DYM: variants seen among roughly 807,000 people sequenced by gnomAD.
The protein encoded by DYM is dymeclin.
Under a neutral mutation model 93.1 loss-of-function variants are expected in DYM, and 78 were observed. The observed-to-expected ratio is 0.84, with a 90% CI of 0.70 to 1.01. The LOEUF (loss-of-function observed/expected upper bound fraction) is 1.01. Ranked by LOEUF, DYM falls within the 50% of genes least tolerant of loss-of-function variation. The probability of loss-of-function intolerance (pLI) is 0.00; values close to 1 mark genes in which losing one functional copy is unlikely to be tolerated. For synonymous variants in DYM, 321 were observed against 319.7 expected (o/e 1.00, Z -0.04); for missense variants, 789 against 845.0 (o/e 0.93, Z 0.82).
chr18:49,426,486 G>A (rs1351807661), intron 2 of DYM, among the ~76,000 whole-genome samples: 7 of 151,528 alleles, frequency 4.6e-5, no homozygotes, highest in African/African-American at 1.5e-4. Flanking sequence ...CATGGCACAC[G>A]TATACATATG....
intron 6 of DYM, among the ~76,000 whole-genome samples, chr18:49,339,940 TTTGTTTG>T (rs1209560545): frequency 6.9e-6 from 1 of 144,846 alleles, no homozygotes; most frequent in Non-Finnish European, 1.5e-5. Flanking sequence ...TTTGGGGTTT[TTTGTTTG>T]TTTGTTTGTT....
At chr18:49,418,040 A>G (rs1422919067) in intron 2 of DYM, 2 of 149,294 alleles carry the variant, frequency 1.3e-5, no homozygotes, top group African/African-American at 5.0e-5. Flanking sequence ...AGCCTGGGCA[A>G]CAAGAGTGAA....
At chr18:49,163,902 ATTCT>A (rs2087524975) in intron 14 of DYM, 115 bp from the exon 15 acceptor site, 6 of 720,144 alleles carry the variant, frequency 8.3e-6, no homozygotes, top group Admixed American at 2.2e-5. Flanking sequence ...CTTGTAAATG[ATTCT>A]TTCTTCATGC....
At position 49,197,452 on chromosome 18, in the gene DYM, A is replaced by G. The variant is rs558696580; in HGVS notation, c.1625+12099T>C. Among the ~76,000 whole-genome samples, 340 of 152,300 alleles carry G rather than the reference A, an allele frequency of 2.2e-3. 3 individuals are homozygous for G. The highest frequency in any genetic ancestry group is 0.02 in the Middle Eastern group (6 of 294). On this transcript the variant is annotated intron_variant, in intron 14 of 17. Coordinates refer to ENST00000675505, the MANE Select transcript of DYM (RefSeq NM_001353214.3). ...GTTCATCTGTTGAGGTCAAGTAAAG[A>G]AGGCGGTGAAGTTTCTCAAAATGTG... is the stretch of plus-strand genomic sequence containing the variant.
intron 6 of DYM, among the ~76,000 whole-genome samples, chr18:49,340,863 A>T (rs1387018354): frequency 6.6e-6 from 1 of 152,240 alleles, no homozygotes; most frequent in Non-Finnish European, 1.5e-5. Context: ...GACACTTAAA[A>T]TGGGTAAGAA....
At position 49,412,839 on chromosome 18, in the gene DYM, T is replaced by C. The variant is rs2072434899; in HGVS notation, c.140+17416A>G. On this transcript the variant is annotated intron_variant, in intron 2 of 17. Coordinates refer to ENST00000675505, the MANE Select transcript of DYM (RefSeq NM_001353214.3). ...AACGTGACCTAATTAAACAAAAGTC[T>C]CTCTTCCTGTGTGTCAACTGAGGAA... The C allele has an allele frequency of 3.3e-5, 5 of 152,140 alleles. No homozygotes were observed. In the South Asian group the frequency reaches 8.3e-4, roughly 25 times the overall value. The allele number at this position is 152,140 out of a possible 1,614,324, so 9.4% of individuals were successfully genotyped here.
intron 6 of DYM, among the ~76,000 whole-genome samples, chr18:49,354,831 T>C (rs1336352309): frequency 2.0e-5 from 3 of 152,156 alleles, no homozygotes; most frequent in Admixed American, 1.3e-4. Flanking sequence ...CTGGTGGGAA[T>C]GGCAAAACTG....
intron 13 of DYM, among the ~76,000 whole-genome samples, chr18:49,254,571 A>C (rs1001718406): frequency 6.8e-6 from 1 of 147,976 alleles, no homozygotes; most frequent in Non-Finnish European, 1.5e-5. Flanking sequence ...TGATTGGTTT[A>C]TTTTCTACTT....
chr18:49,332,342 T>C (rs2063367722), intron 7 of DYM, among the ~76,000 whole-genome samples: 1 of 152,122 alleles, frequency 6.6e-6, no homozygotes, highest in African/African-American at 2.4e-5. Flanking sequence ...ACTCAAGCGA[T>C]CCTCCCGCTT....
intron 13 of DYM, among the ~76,000 whole-genome samples, chr18:49,222,678 A>C (rs1171782833): frequency 3.3e-5 from 5 of 152,170 alleles, no homozygotes; most frequent in African/African-American, 4.8e-5. Context: ...TGTATCAATT[A>C]CTACTAGAGG....
intron 17 of DYM, among the ~76,000 whole-genome samples, chr18:49,067,395 T>G (rs1568366269): frequency 2.4e-4 from 30 of 123,578 alleles, no homozygotes; most frequent in Admixed American, 2.7e-4. Flanking sequence ...GGGGAAGGAG[T>G]AGGGTGATGT....
Position 49,366,519 on chromosome 18 carries a change from G to A in DYM, c.422-3286C>T, listed in dbSNP as rs913051694. ...TAAGAGTTCTCTCTCAATGCTTGGTGCAGTGGCACCTGCTATAGCACCAGC... is the reference window on the plus strand; with the variant it reads ...TAAGAGTTCTCTCTCAATGCTTGGTACAGTGGCACCTGCTATAGCACCAGC... On this transcript the variant is annotated intron_variant, in intron 5 of 17. Transcript: ENST00000675505. Among the ~76,000 whole-genome samples, 9 of 152,132 alleles carry A rather than the reference G, an allele frequency of 5.9e-5. No individual in the cohort carries two copies. In the South Asian group the frequency reaches 1.0e-3, roughly 17 times the overall value.
chr18:49,417,693 A>G (rs2073148421), intron 2 of DYM, among the ~76,000 whole-genome samples: 1 of 152,250 alleles, frequency 6.6e-6, no homozygotes, highest in Non-Finnish European at 1.5e-5. Context: ...ATATATGTGC[A>G]TATTTGTTTG....
chr18:49,289,823 AT>A, intron 8 of DYM, among the ~76,000 whole-genome samples: 1 of 139,174 alleles, frequency 7.2e-6, no homozygotes, highest in African/African-American at 2.6e-5. Context: ...ATATATATTT[AT>A]TTATATATTT....
chr18:49,404,948 G>A (rs927783388), intron 2 of DYM, among the ~76,000 whole-genome samples: 1 of 151,596 alleles, frequency 6.6e-6, no homozygotes, highest in South Asian at 2.1e-4. Context: ...GGGAGGCAGA[G>A]GTTGCAGTGC....
intron 15 of DYM, among the ~76,000 whole-genome samples, chr18:49,151,013 C>A (rs1350873241): frequency 6.6e-6 from 1 of 152,184 alleles, no homozygotes; most frequent in East Asian, 1.9e-4. Context: ...ACATTCCAAT[C>A]ATGGAATGAC....
chr18:49,300,914 T>C (rs2060891624), intron 8 of DYM, among the ~76,000 whole-genome samples: 1 of 152,138 alleles, frequency 6.6e-6, no homozygotes, highest in African/African-American at 2.4e-5. Flanking sequence ...AGAAAGAGTT[T>C]CTTCCCCAAA....
At chr18:49,148,768 C>T (rs2085458845) in intron 15 of DYM, among the ~76,000 whole-genome samples, 3 of 152,100 alleles carry the variant, frequency 2.0e-5, no homozygotes, top group Admixed American at 2.0e-4. Flanking sequence ...CCTTTCCAGC[C>T]CCATTACCTT....
chr18:49,097,488 G>A lies in DYM; in HGVS notation c.1939C>T (p.Leu647=), dbSNP rs1404648914. ...ACTGACAGCTCAGCTCCAGCTTGCAGCAACCTTGAGCTAAAGAAGGAGATC... is the reference window on the plus strand; with the variant it reads ...ACTGACAGCTCAGCTCCAGCTTGCAACAACCTTGAGCTAAAGAAGGAGATC... ...LVISFFSSRL[L]QAGAELSVER... Residue 647 remains leucine, a synonymous_variant, in exon 17 of 18, where the codon CTG becomes TTG. Coordinates refer to ENST00000675505, the MANE Select transcript of DYM (RefSeq NM_001353214.3). 2.5e-6 allele frequency: 4 copies of A among 1,613,974 alleles called. No homozygotes were observed. Among genetic ancestry groups the A allele is most frequent in the Non-Finnish European group, 3.4e-6 (4 of 1,179,914 alleles).
Sources: allele counts gnomAD v4.1 joint callset (sites outside exome capture counted in the v4.1 genomes callset), GRCh38; gene constraint gnomAD v4.1.1; transcripts MANE v1.5; gene names NCBI Gene and HGNC (gene_info 2026-07-23, HGNC 2026-07-21).